Variants in SHISA9 observed in about 807,000 individuals in gnomAD.
SHISA9 encodes the protein protein shisa-9.
Under a neutral mutation model 38.0 loss-of-function variants are expected in SHISA9, and 13 were observed. The observed-to-expected ratio is 0.34, with a 90% CI of 0.22 to 0.54. The LOEUF (loss-of-function observed/expected upper bound fraction) is 0.54, where lower values mean the gene tolerates loss of function less well. Ranked by LOEUF, SHISA9 falls within the 20% of genes least tolerant of loss-of-function variation. SHISA9 has a pLI of 0.91. For missense variants in SHISA9, 538 were observed against 575.8 expected (o/e 0.93, Z 0.67); for synonymous variants, 275 against 242.0 (o/e 1.14, Z -1.27).
chr16:13,529,127 G>A, the SHISA9 span, among the ~76,000 whole-genome samples: 1 of 152,104 alleles, frequency 6.6e-6, no homozygotes, highest in Admixed American at 6.6e-5. Flanking sequence ...TTTGCAGTTT[G>A]GACACAATTA....
chr16:12,916,949 C>T, intron 2 of SHISA9, 134 bp downstream of exon 2: 5 of 1,046,102 alleles, frequency 4.8e-6, no homozygotes, highest in Non-Finnish European at 6.7e-6. Flanking sequence ...TCTTTCATGT[C>T]TTTTGGATGA....
chr16:13,068,616 C>T (rs2073462336), intron 2 of SHISA9, among the ~76,000 whole-genome samples: 2 of 152,198 alleles, frequency 1.3e-5, no homozygotes, highest in Non-Finnish European at 2.9e-5. Flanking sequence ...TGATTCTGAG[C>T]CATGGCTTTC....
At chr16:13,470,924 G>A in the SHISA9 span, among the ~76,000 whole-genome samples, 1 of 152,020 alleles carries the variant, frequency 6.6e-6, no homozygotes, top group African/African-American at 2.4e-5. Context: ...CAGTTAGTTT[G>A]CTGAGAGAAG....
chr16:13,289,321 C>G, the SHISA9 span, among the ~76,000 whole-genome samples: 1 of 123,800 alleles, frequency 8.1e-6, no homozygotes, highest in Non-Finnish European at 1.6e-5. Flanking sequence ...GTGACCTAAA[C>G]TGAGTCCATC....
At chr16:13,074,311 A>G (rs766125161) in intron 2 of SHISA9, among the ~76,000 whole-genome samples, 3 of 152,114 alleles carry the variant, frequency 2.0e-5, no homozygotes, top group South Asian at 2.1e-4. Context: ...GAAATTTGTT[A>G]TGGTTGCCAC....
At chr16:13,007,761 G>A (rs34189872) in intron 2 of SHISA9, among the ~76,000 whole-genome samples, 31,037 of 152,060 alleles carry the variant, frequency 0.2, 3,998 homozygotes, top group Middle Eastern at 0.33. Flanking sequence ...TTTCTTCTAC[G>A]CAGCTGTTTC....
At chr16:13,477,671 A>G in the SHISA9 span, among the ~76,000 whole-genome samples, 3 of 152,246 alleles carry the variant, frequency 2.0e-5, no homozygotes, top group African/African-American at 7.2e-5. Flanking sequence ...GTGCACTTCA[A>G]AGGCTATATT....
the SHISA9 span, among the ~76,000 whole-genome samples, chr16:13,343,480 C>T: frequency 6.6e-6 from 1 of 152,090 alleles, no homozygotes; most frequent in African/African-American, 2.4e-5. Context: ...CCTGCTCCCA[C>T]ACCACATCCT....
the SHISA9 span, among the ~76,000 whole-genome samples, chr16:13,313,268 A>AC: frequency 3.0e-4 from 45 of 151,644 alleles, no homozygotes; most frequent in East Asian, 1.5e-3. Context: ...AAAAAAAAAA[A>AC]AAAACCCAGT....
At chr16:13,269,307 G>C in the SHISA9 span, among the ~76,000 whole-genome samples, 1 of 152,230 alleles carries the variant, frequency 6.6e-6, no homozygotes, top group East Asian at 1.9e-4. Flanking sequence ...CATTGGAAAT[G>C]CTACTCAACC....
the SHISA9 span, among the ~76,000 whole-genome samples, chr16:13,332,834 T>G: frequency 6.6e-6 from 1 of 152,196 alleles, no homozygotes; most frequent in Non-Finnish European, 1.5e-5. Context: ...TGTCCTGATG[T>G]TACTCATGCC....
At chr16:13,555,310 T>A in the SHISA9 span, among the ~76,000 whole-genome samples, 1 of 152,176 alleles carries the variant, frequency 6.6e-6, no homozygotes, top group African/African-American at 2.4e-5. Context: ...TCTGGGCTTA[T>A]AAACGTTAAT....
intron 2 of SHISA9, among the ~76,000 whole-genome samples, chr16:12,987,525 A>G (rs2141829059): frequency 6.6e-6 from 1 of 152,318 alleles, no homozygotes; most frequent in Non-Finnish European, 1.5e-5. Flanking sequence ...GTTCTCATTC[A>G]TGAGTGGAAG....
the SHISA9 span, among the ~76,000 whole-genome samples, chr16:13,320,505 C>A: frequency 6.6e-6 from 1 of 151,986 alleles, no homozygotes; most frequent in African/African-American, 2.4e-5. Context: ...TAATCCATGC[C>A]ATGTTCTCAG....
chr16:12,934,290 T>G (rs1460397454), intron 2 of SHISA9, among the ~76,000 whole-genome samples: 1 of 152,250 alleles, frequency 6.6e-6, no homozygotes, highest in Admixed American at 6.5e-5. Context: ...ATACATGTCC[T>G]ATTGTGTGTC....
intron 2 of SHISA9, among the ~76,000 whole-genome samples, chr16:13,088,265 A>G (rs994624559): frequency 1.3e-5 from 2 of 152,146 alleles, no homozygotes; most frequent in Non-Finnish European, 2.9e-5. Flanking sequence ...TGATGCCTCC[A>G]GCTTTGTTCT....
Position 13,067,740 on chromosome 16 carries a change from C to T in SHISA9, c.692-135654C>T, listed in dbSNP as rs540538245. 5.3e-5 allele frequency among the ~76,000 whole-genome samples: 8 copies of T among 152,316 alleles called. No individual in the cohort carries two copies. In the East Asian group the frequency reaches 5.8e-4, roughly 11 times the overall value. On this transcript the variant is annotated intron_variant, in intron 2 of 4. Coordinates refer to ENST00000558583, the MANE Select transcript of SHISA9 (RefSeq NM_001145204.3). ...CCCTGTCTTAGCTGGCCTTTGCTCA[C>T]GTCCCCAGTCCGCCTGCACCTGCTG...
intron 2 of SHISA9, among the ~76,000 whole-genome samples, chr16:13,123,321 C>T (rs547411790): frequency 6.6e-6 from 1 of 152,348 alleles, no homozygotes; most frequent in East Asian, 1.9e-4. Flanking sequence ...TTCATTCATT[C>T]ATTTAGGAGC....
At chr16:13,349,075 T>C in the SHISA9 span, among the ~76,000 whole-genome samples, 1 of 152,190 alleles carries the variant, frequency 6.6e-6, no homozygotes, top group South Asian at 2.1e-4. Context: ...AGGGGCTCTT[T>C]GTAACCAAGG....
Sources: allele counts gnomAD v4.1 joint callset (sites outside exome capture counted in the v4.1 genomes callset), GRCh38; gene constraint gnomAD v4.1.1; transcripts MANE v1.5; gene names NCBI Gene and HGNC (gene_info 2026-07-23, HGNC 2026-07-21).